Variants in HECTD4 observed in about 807,000 individuals in gnomAD.
HECTD4 encodes the protein probable E3 ubiquitin-protein ligase HECTD4.
A neutral mutation model predicts 471.5 loss-of-function variants in HECTD4; 114 were observed. The observed-to-expected ratio is 0.24, with a 90% CI of 0.21 to 0.28. The LOEUF (loss-of-function observed/expected upper bound fraction) is 0.28, where lower values mean the gene tolerates loss of function less well. HECTD4 is among the 10% of genes least tolerant of loss of function. HECTD4 has a pLI of 1.00. For synonymous variants in HECTD4, 2,012 were observed against 2,256.0 expected (o/e 0.89, Z 3.07); for missense variants, 3,866 against 5,651.5 (o/e 0.68, Z 10.13).
At position 112,309,539 on chromosome 12, in the gene HECTD4, C is replaced by T. The variant is rs138387901; in HGVS notation, c.1025+22G>A. 2.2e-4 allele frequency: 223 copies of T among 1,021,726 alleles called. 1 individual carries two copies. In the African/African-American group the frequency reaches 2.9e-3, roughly 13 times the overall value. The allele number at this position is 1,021,726 out of a possible 1,614,324, so 63.3% of individuals were successfully genotyped here. A position where few individuals can be genotyped will look rare whatever the true frequency, so the allele number is the denominator to read the frequency against. The stretch of plus-strand genomic sequence containing the variant: ...AGGATAATGTTCTAGCCCAATCATT[C>T]AGGAAGTTCCATGCAACTGACCTGA... On this transcript the variant is annotated intron_variant, in intron 5 of 75. Coordinates refer to ENST00000682272, the MANE Select transcript of HECTD4 (RefSeq NM_001388303.1).
In HECTD4 at chr12:112,378,477, G is replaced by A. The variant is rs921014921; in HGVS notation, c.177+3475C>T. On this transcript the variant is annotated intron_variant, in intron 1 of 75. Coordinates refer to ENST00000682272, the MANE Select transcript of HECTD4 (RefSeq NM_001388303.1). Reference sequence around the variant, plus strand: ...CTGACCTTGTGATTCGCCCGTCTTGGTCTCCCAAATTGCTGGGATTACAGG... The same window carrying A: ...CTGACCTTGTGATTCGCCCGTCTTGATCTCCCAAATTGCTGGGATTACAGG... 2.0e-5 allele frequency among the ~76,000 whole-genome samples: 3 copies of A among 151,788 alleles called. No individual in the cohort carries two copies. In the South Asian group the frequency reaches 6.2e-4, roughly 32 times the overall value.
intron 1 of HECTD4, among the ~76,000 whole-genome samples, chr12:112,364,681 AC>A (rs2135753131): frequency 6.6e-6 from 1 of 152,304 alleles, no homozygotes; most frequent in South Asian, 2.1e-4. Flanking sequence ...GTGAGCCGTG[AC>A]TGCGCGCCAC....
chr12:112,178,796 T>A, intron 64 of HECTD4, 135 bp downstream of exon 64: 1 of 1,050,068 alleles, frequency 9.5e-7, no homozygotes, highest in Non-Finnish European at 1.3e-6. Flanking sequence ...CACTCCAGCC[T>A]GGGCGACAAA....
At chr12:112,303,723 C>T (rs1157533352) in intron 7 of HECTD4, among the ~76,000 whole-genome samples, 13 of 151,602 alleles carry the variant, frequency 8.6e-5, no homozygotes, top group Admixed American at 4.6e-4. Flanking sequence ...TGGTCATGCA[C>T]GCCTAAGTCC....
In HECTD4 at chr12:112,235,540, G is replaced by T; in HGVS notation, c.5689C>A (p.Leu1897Met). ...TAATCTGCCAGCTTTGCTAAGAGCA[G>T]GGAGGCGATCTTGGAAGCTGGGTCG... Reference protein sequence around the residue: ...PSDPASKIASLLLAKLADYVV... With the variant: ...PSDPASKIASMLLAKLADYVV... Residue 1897 changes from leucine to methionine, a missense_variant, in exon 36 of 76, where the codon CTG (leucine) becomes ATG (methionine). Coordinates refer to ENST00000682272, the MANE Select transcript of HECTD4 (RefSeq NM_001388303.1). This position sits in a 1 kb window ranked among gnomAD's most constrained non-coding sequence, Gnocchi z 5.0. 1 of 1,613,730 alleles carries T rather than the reference G, an allele frequency of 6.2e-7. No homozygotes were observed. Among genetic ancestry groups the T allele is most frequent in the South Asian group, 1.1e-5 (1 of 91,036 alleles).
At chr12:112,232,933 G>A (rs2033417577) in intron 38 of HECTD4, 71 bp downstream of exon 38, 7 of 1,350,396 alleles carry the variant, frequency 5.2e-6, no homozygotes, top group Non-Finnish European at 7.2e-6. Flanking sequence ...TTCTTAATTT[G>A]TTCTGAAAAT....
In HECTD4 at chr12:112,178,963, G is replaced by GGGCGGCTTGGTGATA; in HGVS notation, c.11316_11330dup (p.Ile3773_Pro3777dup). On this transcript the variant is annotated inframe_insertion, in exon 64 of 76. Transcript: ENST00000682272. ...TGTTGAGCACAGCCTTGTCCTTGGCGGGCGGCTTGGTGATAGGCCGCTTGG... is the reference window on the plus strand; with the variant it reads ...TGTTGAGCACAGCCTTGTCCTTGGCGGGCGGCTTGGTGATAGGCGGCTTGGTGATAGGCCGCTTGG... 6.2e-7 allele frequency: 1 copy of GGGCGGCTTGGTGATA among 1,612,708 alleles called. No individual in the cohort carries two copies. The highest frequency in any genetic ancestry group is 8.5e-7 in the Non-Finnish European group (1 of 1,179,624).
intron 23 of HECTD4, among the ~76,000 whole-genome samples, chr12:112,252,192 G>A (rs1384730357): frequency 6.6e-6 from 1 of 152,152 alleles, no homozygotes; most frequent in Non-Finnish European, 1.5e-5. Context: ...CTTTGAAGAG[G>A]GAGCTCCAAT....
rs1006535102 is a variant in HECTD4 at position 112,319,204 on chromosome 12, G to A, written c.695+21C>T. 15 of 1,535,286 alleles carry A rather than the reference G, an allele frequency of 9.8e-6. No individual in the cohort carries two copies. In the East Asian group the frequency reaches 9.8e-5, roughly 10 times the overall value. ...GGCAGTAGTCACAAGGTCACCAAAT[G>A]ATACATTCGATTTTCCTTACCTGGC... On this transcript the variant is annotated intron_variant, in intron 2 of 75. Transcript: ENST00000682272. The surrounding 1 kb of genome is among the most constrained non-coding windows in gnomAD (Gnocchi z 5.3).
At chr12:112,290,319 C>A (rs75306588) in intron 7 of HECTD4, among the ~76,000 whole-genome samples, 1 of 147,448 alleles carries the variant, frequency 6.8e-6, no homozygotes, top group Non-Finnish European at 1.5e-5. Context: ...GAGCTAGTCT[C>A]AAAAAAAATA....
At chr12:112,226,418 T>C in intron 44 of HECTD4, 1 of 411,134 alleles carries the variant, frequency 2.4e-6, no homozygotes, top group Non-Finnish European at 4.3e-6. Flanking sequence ...TCTGACATGG[T>C]CCTAAAGTTA....
chr12:112,198,131 G>A (rs1054003326), intron 55 of HECTD4, among the ~76,000 whole-genome samples: 79 of 152,160 alleles, frequency 5.2e-4, no homozygotes, highest in African/African-American at 1.9e-3. Flanking sequence ...CGCCGCACCC[G>A]GCCCACAAGA....
intron 7 of HECTD4, among the ~76,000 whole-genome samples, chr12:112,304,346 G>A (rs1057269930): frequency 3.8e-4 from 57 of 148,294 alleles, no homozygotes; most frequent in African/African-American, 1.3e-3. Context: ...CCTTCTGGTC[G>A]ACCTTCCAGG....
chr12:112,309,726 A>C (rs2035336363), intron 4 of HECTD4, 57 bp from the exon 5 acceptor site: 1 of 811,914 alleles, frequency 1.2e-6, no homozygotes, highest in South Asian at 2.0e-5. Context: ...TGAAATTATA[A>C]ACATGCTTTT....
At chr12:112,367,848 A>AAAG (rs2036597105) in intron 1 of HECTD4, among the ~76,000 whole-genome samples, 2 of 146,666 alleles carry the variant, frequency 1.4e-5, no homozygotes, top group African/African-American at 2.6e-5. Context: ...AAAAAAAAAA[A>AAAG]CGCTAACACG....
Position 112,166,112 on chromosome 12 carries a change from C to G in HECTD4, c.12534+1205G>C, listed in dbSNP as rs1398146936. ...TCTACCGGGACCCCGCCTCACATCC[C>G]CTGCTGCCCCAGCCTGTGCTGCACC... On this transcript the variant is annotated intron_variant, in intron 72 of 75. Coordinates refer to ENST00000682272, the MANE Select transcript of HECTD4 (RefSeq NM_001388303.1). This position sits in a 1 kb window ranked among gnomAD's most constrained non-coding sequence, Gnocchi z 4.6. 1.3e-5 allele frequency: 2 copies of G among 152,830 alleles called. No individual in the cohort carries two copies. Among genetic ancestry groups the G allele is most frequent in the East Asian group, 3.8e-4 (2 of 5,206 alleles). 9.5% of individuals were successfully genotyped at this position (152,830 alleles called of 1,614,324 possible). A position where few individuals can be genotyped will look rare whatever the true frequency, so the allele number is the denominator to read the frequency against.
chr12:112,176,881 A>C (rs1250487432), intron 64 of HECTD4, among the ~76,000 whole-genome samples, 179 bp from the exon 65 acceptor site: 1 of 152,226 alleles, frequency 6.6e-6, no homozygotes, highest in Admixed American at 6.5e-5. Context: ...CACTGAGCAA[A>C]TTACAAGGAC....
rs78260841 is a variant in HECTD4, at chr12:112,357,587, A to C, written c.177+24365T>G. Among the ~76,000 whole-genome samples, 461 of 152,336 alleles carry C rather than the reference A, an allele frequency of 3.0e-3. 19 individuals are homozygous for C. The East Asian group carries it at 0.083, about 27-fold the overall frequency. On this transcript the variant is annotated intron_variant, in intron 1 of 75. Transcript: ENST00000682272. ...TGCAGTTCTCACAAATTAGCCTCTG[A>C]AAATTGGCCATTTTAATAATTAAGC...
chr12:112,235,404 A>G lies in HECTD4; in HGVS notation c.5725+100T>C. The G allele has an allele frequency of 6.7e-7, 1 of 1,488,978 alleles. No homozygotes were observed. The highest frequency in any genetic ancestry group is 9.1e-7 in the Non-Finnish European group (1 of 1,104,280). The allele number at this position is 1,488,978 out of a possible 1,614,324, so 92.2% of individuals were successfully genotyped here. On this transcript the variant is annotated intron_variant, in intron 36 of 75. Transcript: ENST00000682272. This position sits in a 1 kb window ranked among gnomAD's most constrained non-coding sequence, Gnocchi z 5.0. ...TCCTGTCCCCGCTCCCTTCTCTGTC[A>G]CTCACTCTTTCATCATAGGAAGCAC...
Sources: allele counts gnomAD v4.1 joint callset (sites outside exome capture counted in the v4.1 genomes callset), GRCh38; gene constraint gnomAD v4.1.1; non-coding constraint Gnocchi (gnomAD v3.1); transcripts MANE v1.5; gene names NCBI Gene and HGNC (gene_info 2026-07-23, HGNC 2026-07-21).